Variants in DARS2 observed in about 807,000 individuals in gnomAD.
The protein encoded by DARS2 is aspartyl-tRNA synthetase 2, mitochondrial.
In DARS2, 63 loss-of-function variants were observed where a neutral mutation model predicts 83.0. The observed-to-expected ratio is 0.76, with a 90% CI of 0.62 to 0.94. The LOEUF is 0.94. Among genes scored for constraint, DARS2 ranks in the 40% least tolerant of loss-of-function variants. DARS2 has a pLI of 0.00. For missense variants in DARS2, 675 were observed against 774.4 expected, an observed-to-expected ratio of 0.87 and a Z score of 1.52; for synonymous variants, 250 against 269.3, an observed-to-expected ratio of 0.93 and a Z score of 0.70.
At chr1:173,845,886 G>A (rs1653416320) in intron 12 of DARS2, among the ~76,000 whole-genome samples, 2 of 152,188 alleles carry the variant, frequency 1.3e-5, no homozygotes, top group South Asian at 2.1e-4. Context: ...GGCCGGGCGC[G>A]TTGGCTCACG....
chr1:173,846,945 TATA>T (rs1033823791), intron 12 of DARS2, among the ~76,000 whole-genome samples: 16 of 152,326 alleles, frequency 1.1e-4, no homozygotes, highest in African/African-American at 3.4e-4. Flanking sequence ...AAAATGCTCT[TATA>T]ATGATATGTA....
intron 1 of DARS2, 105 bp downstream of exon 1, chr1:173,825,461 T>C: frequency 3.9e-6 from 2 of 515,264 alleles, no homozygotes; most frequent in Non-Finnish European, 5.5e-6. Context: ...TTATTATTAT[T>C]ATTATTATTA....
intron 2 of DARS2, among the ~76,000 whole-genome samples, chr1:173,827,485 G>A (rs1028303482): frequency 3.9e-5 from 6 of 152,092 alleles, no homozygotes; most frequent in East Asian, 1.9e-4. Flanking sequence ...AAAAAAGTTC[G>A]CCAGGCGGGG....
chr1:173,826,874 G>A, intron 2 of DARS2, 88 bp downstream of exon 2: 1 of 1,012,158 alleles, frequency 9.9e-7, no homozygotes, highest in Admixed American at 1.8e-5. Flanking sequence ...CCAGTCCGAA[G>A]AATAAAACGT....
intron 11 of DARS2, 133 bp from the exon 12 acceptor site, chr1:173,845,092 GCCCA>G: frequency 1.5e-6 from 1 of 653,264 alleles, no homozygotes; most frequent in Non-Finnish European, 2.8e-6. Flanking sequence ...ACCGCGCCCA[GCCCA>G]GACATTGAAT....
At chr1:173,841,430 A>G (rs1056894233) in intron 11 of DARS2, among the ~76,000 whole-genome samples, 2 of 152,150 alleles carry the variant, frequency 1.3e-5, no homozygotes, top group South Asian at 2.1e-4. Flanking sequence ...TTCTAAAACC[A>G]TAAGTAGAGA....
intron 12 of DARS2, among the ~76,000 whole-genome samples, chr1:173,846,933 GA>G (rs1004107904): frequency 1.3e-5 from 2 of 152,004 alleles, no homozygotes; most frequent in Admixed American, 1.3e-4. Context: ...CTTAATAGAG[GA>G]AAAATGCTCT....
rs1046298804 is a variant in DARS2, at chr1:173,839,673, T to C, written c.1020+127T>C. 2.8e-5 allele frequency: 24 copies of C among 850,770 alleles called. No homozygotes were observed. In the Admixed American group the frequency reaches 3.4e-4, roughly 12 times the overall value. The allele number at this position is 850,770 out of a possible 1,614,324, so 52.7% of individuals were successfully genotyped here. ...TTTGTTGTTACCTTGTTACCTTCGT[T>C]GTTACAGAGCTAGAGCAAGAGAGAA... On this transcript the variant is annotated intron_variant, in intron 10 of 16. Coordinates refer to ENST00000649689, the MANE Select transcript of DARS2 (RefSeq NM_018122.5).
At chr1:173,838,109 T>G in intron 8 of DARS2, 81 bp from the exon 9 acceptor site, 1 of 1,096,214 alleles carries the variant, frequency 9.1e-7, no homozygotes, top group Non-Finnish European at 1.4e-6. Flanking sequence ...TTTTATAGCT[T>G]GCATTGCTTT....
Position 173,857,810 on chromosome 1 carries a change from C to A in DARS2, c.*105C>A. ...TCTGCCACAGGTCTAACAATCAAGT[C>A]TTTAGATGGAAGGAATCCAGGCAAC... On this transcript the variant is annotated 3_prime_UTR_variant, in exon 17 of 17. Transcript: ENST00000649689. The A allele has an allele frequency of 8.3e-7, 1 of 1,210,548 alleles. No homozygotes were observed. The highest frequency in any genetic ancestry group is 1.2e-6 in the Non-Finnish European group (1 of 833,682). 75.0% of individuals were successfully genotyped at this position (1,210,548 alleles called of 1,614,324 possible).
chr1:173,826,613 A>G, intron 1 of DARS2, 74 bp from the exon 2 acceptor site: 1 of 1,121,358 alleles, frequency 8.9e-7, no homozygotes, highest in Non-Finnish European at 1.3e-6. Context: ...GAGAATTTTC[A>G]TTTTTAAGCA....
intron 11 of DARS2, among the ~76,000 whole-genome samples, chr1:173,843,486 G>A (rs1413504508): frequency 2.6e-5 from 4 of 152,126 alleles, no homozygotes; most frequent in Admixed American, 6.6e-5. Flanking sequence ...CTTGAACCCC[G>A]GAGGCGGAGG....
At position 173,844,669 on chromosome 1, in the gene DARS2, C is replaced by CAAA. The variant is rs549839808; in HGVS notation, c.1129-523_1129-521dup. Among the ~76,000 whole-genome samples the CAAA allele has an allele frequency of 1.7e-4, 5 of 29,890 alleles. 1 individual carries two copies. Among genetic ancestry groups the CAAA allele is most frequent in the Non-Finnish European group, 2.2e-4 (3 of 13,634 alleles). 19.6% of individuals were successfully genotyped at this position (29,890 alleles called of 152,430 possible). ...TGGGTGACAGAGCTAGACTCCATCG[C>CAAA]AAAAAAAAAAAAAAAAAAAAAAAAA... On this transcript the variant is annotated intron_variant, in intron 11 of 16. Coordinates refer to ENST00000649689, the MANE Select transcript of DARS2 (RefSeq NM_018122.5).
chr1:173,825,412 G>T lies in DARS2; in HGVS notation c.127+56G>T, dbSNP rs942325994. 4.5e-5 allele frequency: 70 copies of T among 1,554,294 alleles called. 1 individual carries two copies. In the African/African-American group the frequency reaches 8.8e-4, roughly 20 times the overall value. ...ACAGTACTTCAGCCTGTTATCTACG[G>T]CCGGAGAGCTTTTATTCCATTTTTC... On this transcript the variant is annotated intron_variant, in intron 1 of 16. Coordinates refer to ENST00000649689, the MANE Select transcript of DARS2 (RefSeq NM_018122.5).
chr1:173,845,578 C>G (rs934664213), intron 12 of DARS2, among the ~76,000 whole-genome samples: 2 of 152,196 alleles, frequency 1.3e-5, no homozygotes, highest in African/African-American at 4.8e-5. Flanking sequence ...ACTACAGGCT[C>G]AGGCCACCAT....
Position 173,840,903 on chromosome 1 carries a change from T to C in DARS2, c.1058T>C (p.Ile353Thr), listed in dbSNP as rs535513181. The C allele has an allele frequency of 8.4e-5, 136 of 1,612,716 alleles. No homozygotes were observed. Among genetic ancestry groups the C allele is most frequent in the Non-Finnish European group, 1.0e-4 (122 of 1,178,760 alleles). ...DISDVFRNTEIGFLQDALSKP... is the reference protein window; with the variant it reads ...DISDVFRNTETGFLQDALSKP... ...AGTGATGTGTTTAGAAACACAGAGA[T>C]TGGATTTCTTCAAGATGCACTTAGT... is the stretch of plus-strand genomic sequence containing the variant. Residue 353 changes from isoleucine to threonine, a missense_variant, in exon 11 of 17, where the codon ATT becomes ACT. Coordinates refer to ENST00000649689, the MANE Select transcript of DARS2 (RefSeq NM_018122.5).
chr1:173,840,932 C>A lies in DARS2; in HGVS notation c.1087C>A (p.Pro363Thr). 6.2e-7 allele frequency: 1 copy of A among 1,612,380 alleles called. No homozygotes were observed. The highest frequency in any genetic ancestry group is 8.5e-7 in the Non-Finnish European group (1 of 1,178,456). Residue 363 changes from proline (P) to threonine (T), a missense_variant, in exon 11 of 17, where the codon CCC becomes ACC. Pro to Thr is a conservative substitution (Grantham distance 38). Coordinates refer to ENST00000649689, the MANE Select transcript of DARS2 (RefSeq NM_018122.5). ...IGFLQDALSK[P>T]HGTVKAICIP... ...ATTTCTTCAAGATGCACTTAGTAAG[C>A]CCCATGGAACTGTGAAAGCCATATG... is the stretch of plus-strand genomic sequence containing the variant.
intron 8 of DARS2, among the ~76,000 whole-genome samples, chr1:173,837,597 T>TA (rs1034673703): frequency 6.6e-6 from 1 of 151,718 alleles, no homozygotes; most frequent in Non-Finnish European, 1.5e-5. Context: ...AAGCATGGGC[T>TA]AAAAAAAATG....
intron 14 of DARS2, 36 bp downstream of exon 14, chr1:173,853,603 T>G (rs768171407): frequency 6.2e-7 from 1 of 1,610,856 alleles, no homozygotes; most frequent in South Asian, 1.1e-5. Context: ...AAAGGAAATG[T>G]GTATATAAAG....
Sources: gnomAD v4.1 joint callset for allele counts (sites outside exome capture counted in the v4.1 genomes callset) on GRCh38, gnomAD v4.1.1 for gene constraint, MANE v1.5 for transcripts, NCBI Gene and HGNC (gene_info 2026-07-23, HGNC 2026-07-21) for gene names.